The following RANBP2 variants were observed in gnomAD, a reference collection of about 807,000 sequenced individuals.
RANBP2 encodes the protein E3 SUMO-protein ligase RanBP2.
Under a neutral mutation model 303.6 loss-of-function variants are expected in RANBP2, and 57 were observed. That is an observed-to-expected ratio of 0.19 (90% CI 0.15 to 0.23). The LOEUF is 0.23. Among genes scored for constraint, RANBP2 ranks in the 10% least tolerant of loss-of-function variants. The pLI is 1.00. For missense variants in RANBP2, 3,138 were observed against 3,780.8 expected, an observed-to-expected ratio of 0.83 and a Z score of 4.46; for synonymous variants, 1,167 against 1,301.5, an observed-to-expected ratio of 0.90 and a Z score of 2.23.
At chr2:109,064,556 C>T in the RANBP2 span, among the ~76,000 whole-genome samples, 27 of 151,572 alleles carry the variant, frequency 1.8e-4, no homozygotes, top group African/African-American at 6.6e-4. Context: ...GTGACCTGAA[C>T]CTTCACACAG....
the RANBP2 span, among the ~76,000 whole-genome samples, chr2:109,425,917 A>G: frequency 4.6e-5 from 7 of 151,230 alleles, no homozygotes; most frequent in Non-Finnish European, 1.0e-4. Context: ...TTTTTTCTTG[A>G]GATGGAGTTT....
At chr2:109,404,764 T>C in the RANBP2 span, among the ~76,000 whole-genome samples, 1 of 152,118 alleles carries the variant, frequency 6.6e-6, no homozygotes, top group African/African-American at 2.4e-5. Context: ...TGTGCTCGAC[T>C]CTCTGCAGTC....
At chr2:109,333,587 G>A in the RANBP2 span, among the ~76,000 whole-genome samples, 1 of 152,196 alleles carries the variant, frequency 6.6e-6, no homozygotes, top group African/African-American at 2.4e-5. Flanking sequence ...AGCTCTGGCT[G>A]CTACAATGGC....
At chr2:108,811,808 C>T in the RANBP2 span, among the ~76,000 whole-genome samples, 2 of 152,190 alleles carry the variant, frequency 1.3e-5, no homozygotes, top group Middle Eastern at 3.4e-3. Flanking sequence ...TTATTTCCAT[C>T]TTTATGTCCA....
At chr2:109,441,894 AC>A in the RANBP2 span, among the ~76,000 whole-genome samples, 1 of 152,246 alleles carries the variant, frequency 6.6e-6, no homozygotes, top group Non-Finnish European at 1.5e-5. Context: ...TAACCAAAAA[AC>A]ATACTGAAAG....
chr2:109,475,231 C>A, the RANBP2 span, among the ~76,000 whole-genome samples: 5 of 152,212 alleles, frequency 3.3e-5, no homozygotes, highest in African/African-American at 1.2e-4. Context: ...CCCGCCTCGG[C>A]CTCCCAAAGT....
At chr2:108,853,969 T>TTTATATA in the RANBP2 span, among the ~76,000 whole-genome samples, 1 of 112,130 alleles carries the variant, frequency 8.9e-6, no homozygotes, top group African/African-American at 3.5e-5. Context: ...TATAATAAAA[T>TTTATATA]ATATATAATA....
chr2:109,624,180 AGGT>A, the RANBP2 span, among the ~76,000 whole-genome samples: 1 of 152,210 alleles, frequency 6.6e-6, no homozygotes, highest in Admixed American at 6.5e-5. Flanking sequence ...ACCTTCACTC[AGGT>A]GGTGCTCCAG....
chr2:109,540,876 T>G, the RANBP2 span, among the ~76,000 whole-genome samples: 1 of 152,112 alleles, frequency 6.6e-6, no homozygotes, highest in Non-Finnish European at 1.5e-5. Context: ...TCTTTTAACC[T>G]TTCTCGTCTA....
the RANBP2 span, among the ~76,000 whole-genome samples, chr2:109,071,043 T>C: frequency 6.6e-6 from 1 of 152,122 alleles, no homozygotes; most frequent in African/African-American, 2.4e-5. Flanking sequence ...TATTTAGGTA[T>C]TTATTTATAG....
the RANBP2 span, among the ~76,000 whole-genome samples, chr2:108,887,616 AT>A: frequency 3.3e-5 from 5 of 151,868 alleles, no homozygotes; most frequent in Non-Finnish European, 7.4e-5. Flanking sequence ...ATTCCTAGGT[AT>A]TTTATTTTAT....
the RANBP2 span, among the ~76,000 whole-genome samples, chr2:109,610,112 C>CA: frequency 4.3e-4 from 63 of 147,376 alleles, no homozygotes; most frequent in African/African-American, 1.6e-3. Flanking sequence ...TTTTTTTAGA[C>CA]AGAGTCTCAC....
the RANBP2 span, among the ~76,000 whole-genome samples, chr2:109,318,746 T>C: frequency 1.3e-5 from 2 of 152,190 alleles, no homozygotes; most frequent in African/African-American, 2.4e-5. Flanking sequence ...CTGACCCTTC[T>C]GGTCTCATCC....
chr2:109,189,171 C>T, the RANBP2 span, among the ~76,000 whole-genome samples: 1 of 151,700 alleles, frequency 6.6e-6, no homozygotes, highest in African/African-American at 2.4e-5. Context: ...TGTGTTTCTT[C>T]GGGGATGGAA....
At chr2:109,505,902 C>G in the RANBP2 span, among the ~76,000 whole-genome samples, 2 of 152,304 alleles carry the variant, frequency 1.3e-5, no homozygotes, top group Non-Finnish European at 2.9e-5. Flanking sequence ...CACAGTCTGT[C>G]TGGAGAGGGT....
the RANBP2 span, among the ~76,000 whole-genome samples, chr2:109,527,791 C>T: frequency 6.6e-6 from 1 of 152,178 alleles, no homozygotes; most frequent in African/African-American, 2.4e-5. Context: ...CCAATCTTAG[C>T]AAGTTTGCTT....
the RANBP2 span, chr2:109,398,888 G>A: frequency 6.2e-6 from 10 of 1,613,666 alleles, no homozygotes; most frequent in South Asian, 5.5e-5. Context: ...AGCGATCCCC[G>A]AGCCGCGGCC....
At chr2:108,833,588 A>G in the RANBP2 span, among the ~76,000 whole-genome samples, 1 of 152,178 alleles carries the variant, frequency 6.6e-6, no homozygotes, top group Non-Finnish European at 1.5e-5. Flanking sequence ...CCTTTTTTGT[A>G]AAAGGACAAA....
chr2:109,098,861 C>G, the RANBP2 span, among the ~76,000 whole-genome samples: 4 of 152,218 alleles, frequency 2.6e-5, no homozygotes, highest in East Asian at 1.9e-4. Context: ...GGTTATTTGG[C>G]TGCCCTCCAA....
Sources: allele counts gnomAD v4.1 joint callset (sites outside exome capture counted in the v4.1 genomes callset), GRCh38; gene constraint gnomAD v4.1.1; transcripts MANE v1.5; gene names NCBI Gene and HGNC (gene_info 2026-07-23, HGNC 2026-07-21).